Variants in PRKG1 observed in about 807,000 individuals in gnomAD.
PRKG1 encodes the protein protein kinase cGMP-dependent 1.
A neutral mutation model predicts 88.1 loss-of-function variants in PRKG1; 35 were observed. That is an observed-to-expected ratio of 0.40 (90% confidence interval 0.30 to 0.53). The LOEUF is 0.53. Among genes scored for constraint, PRKG1 ranks in the 20% least tolerant of loss-of-function variants. The pLI is 0.59. For missense variants in PRKG1, 540 were observed against 839.8 expected, an observed-to-expected ratio of 0.64 and a Z score of 4.41; for synonymous variants, 303 against 292.5, an observed-to-expected ratio of 1.04 and a Z score of -0.37.
chr10:51,039,656 C>T (rs140227430), intron 1 of PRKG1, among the ~76,000 whole-genome samples: 32 of 152,132 alleles, frequency 2.1e-4, no homozygotes, highest in Admixed American at 1.5e-3. Context: ...GGGTACTACT[C>T]AAGAAATCTT....
At chr10:51,441,324 G>C (rs1839098616) in intron 2 of PRKG1, among the ~76,000 whole-genome samples, 2 of 152,004 alleles carry the variant, frequency 1.3e-5, no homozygotes, top group Non-Finnish European at 2.9e-5. Flanking sequence ...CATGGAAGAA[G>C]AGAATGTCAT....
At chr10:52,198,419 G>A (rs902732154) in intron 9 of PRKG1, among the ~76,000 whole-genome samples, 5 of 152,126 alleles carry the variant, frequency 3.3e-5, no homozygotes, top group African/African-American at 1.2e-4. Context: ...TCTAACTCAA[G>A]AGAAAGGAAA....
At chr10:51,848,634 TGTGTGTGTGTGTG>T (rs1840465476) in intron 4 of PRKG1, among the ~76,000 whole-genome samples, 1 of 54,522 alleles carries the variant, frequency 1.8e-5, no homozygotes, top group African/African-American at 2.3e-4. Flanking sequence ...TGTCTGTATC[TGTGTGTGTGTGTG>T]TGTGTGTGTG....
At chr10:52,023,506 G>A (rs1423311653) in intron 5 of PRKG1, among the ~76,000 whole-genome samples, 1 of 152,190 alleles carries the variant, frequency 6.6e-6, no homozygotes, top group Non-Finnish European at 1.5e-5. Context: ...CTTCCACAAT[G>A]GTTGAATTAG....
chr10:51,853,054 T>C (rs1840597856), intron 4 of PRKG1, among the ~76,000 whole-genome samples: 2 of 152,130 alleles, frequency 1.3e-5, no homozygotes, highest in South Asian at 2.1e-4. Flanking sequence ...CATGGTGATA[T>C]ATTTATGTTT....
At chr10:51,672,332 C>T (rs1346418914) in intron 3 of PRKG1, among the ~76,000 whole-genome samples, 1 of 151,992 alleles carries the variant, frequency 6.6e-6, no homozygotes, top group African/African-American at 2.4e-5. Flanking sequence ...AATTTCTTCA[C>T]TCTGTCTTCA....
chr10:51,961,538 TAAC>T (rs1245130464), intron 5 of PRKG1, among the ~76,000 whole-genome samples: 1 of 152,208 alleles, frequency 6.6e-6, no homozygotes, highest in African/African-American at 2.4e-5. Flanking sequence ...GCACATGCAA[TAAC>T]ACACACCCAG....
At chr10:51,305,064 A>G (rs1841000865) in intron 2 of PRKG1, among the ~76,000 whole-genome samples, 1 of 152,148 alleles carries the variant, frequency 6.6e-6, no homozygotes, top group Non-Finnish European at 1.5e-5. Flanking sequence ...TGTCAGTTGG[A>G]CAGATCCTAT....
chr10:51,066,891 G>A (rs1843757291), intron 1 of PRKG1, among the ~76,000 whole-genome samples: 1 of 151,918 alleles, frequency 6.6e-6, no homozygotes, highest in South Asian at 2.1e-4. Flanking sequence ...CATTCTGAGG[G>A]AAGCCCTGCA....
upstream of PRKG1, chr10:51,074,373 C>A: frequency 7.8e-7 from 1 of 1,276,532 alleles, no homozygotes; most frequent in Non-Finnish European, 1.1e-6. Context: ...CTCTGAGCCT[C>A]ACAGCCAGCC....
intron 3 of PRKG1, among the ~76,000 whole-genome samples, chr10:51,504,193 G>C (rs1391246558): frequency 6.6e-6 from 1 of 152,066 alleles, no homozygotes. Flanking sequence ...GATTTTAAAG[G>C]TGCAAAGAAT....
chr10:51,353,503 T>G (rs568519604), intron 2 of PRKG1, among the ~76,000 whole-genome samples: 3 of 152,214 alleles, frequency 2.0e-5, no homozygotes, highest in African/African-American at 7.2e-5. Flanking sequence ...TGAATAGACA[T>G]TTGTCAAAAG....
intron 3 of PRKG1, among the ~76,000 whole-genome samples, chr10:51,675,223 G>A (rs539422719): frequency 3.3e-5 from 5 of 152,072 alleles, no homozygotes; most frequent in Non-Finnish European, 7.4e-5. Flanking sequence ...GGTTCAAAAG[G>A]TGACTGTTTT....
intron 5 of PRKG1, among the ~76,000 whole-genome samples, chr10:51,967,432 G>T (rs1843598891): frequency 6.6e-6 from 1 of 151,956 alleles, no homozygotes; most frequent in Non-Finnish European, 1.5e-5. Flanking sequence ...ATGGGGGAGG[G>T]ATAGCATTAG....
intron 10 of PRKG1, among the ~76,000 whole-genome samples, chr10:52,260,205 C>A (rs541291902): frequency 6.6e-6 from 1 of 151,884 alleles, no homozygotes; most frequent in African/African-American, 2.4e-5. Context: ...AAATGGTTTT[C>A]GGCTACATGG....
At chr10:51,080,042 G>C (rs1029985379) in intron 1 of PRKG1, among the ~76,000 whole-genome samples, 1 of 152,204 alleles carries the variant, frequency 6.6e-6, no homozygotes, top group South Asian at 2.1e-4. Context: ...TGTTTTTGTG[G>C]AGGAGTTAAA....
chr10:51,568,387 T>A (rs1837661647), intron 3 of PRKG1: 1 of 151,808 alleles, frequency 6.6e-6, no homozygotes, highest in African/African-American at 2.4e-5. Context: ...ATCCATTTTT[T>A]CATATATTTT....
intron 3 of PRKG1, among the ~76,000 whole-genome samples, chr10:51,520,082 A>G (rs1841697252): frequency 6.6e-6 from 1 of 152,112 alleles, no homozygotes; most frequent in South Asian, 2.1e-4. Context: ...GGTAAGGAGT[A>G]GTTCATTCTC....
At chr10:51,024,204 G>A (rs1843171949) in intron 1 of PRKG1, among the ~76,000 whole-genome samples, 1 of 152,126 alleles carries the variant, frequency 6.6e-6, no homozygotes, top group Admixed American at 6.6e-5. Context: ...TCAGAATTAA[G>A]TACTTACAAT....
Sources: gnomAD v4.1 joint callset for allele counts (sites outside exome capture counted in the v4.1 genomes callset) on GRCh38, gnomAD v4.1.1 for gene constraint, MANE v1.5 for transcripts, NCBI Gene and HGNC (gene_info 2026-07-23, HGNC 2026-07-21) for gene names.